APBA1: variants seen among roughly 807,000 people sequenced by gnomAD.
APBA1 encodes amyloid-beta A4 precursor protein-binding family A member 1.
APBA1 carries 55 observed loss-of-function variants against 86.6 expected under a neutral mutation model. The ratio of observed to expected loss-of-function variants is 0.64; its 90% CI spans 0.51 to 0.80. APBA1 has a LOEUF of 0.80. Among genes scored for constraint, APBA1 ranks in the 30% least tolerant of loss-of-function variants. APBA1 has a pLI of 0.00. For synonymous variants in APBA1, 511 were observed against 493.9 expected (o/e 1.03, Z -0.46); for missense variants, 1,090 against 1,183.0 (o/e 0.92, Z 1.15).
chr9:69,616,628 T>C (rs2133986068), intron 1 of APBA1, among the ~76,000 whole-genome samples: 1 of 152,260 alleles, frequency 6.6e-6, no homozygotes, highest in East Asian at 1.9e-4. Context: ...AACAATGAAC[T>C]CCAGGTAGAC....
chr9:69,644,618 C>A (rs1823354398), intron 1 of APBA1, among the ~76,000 whole-genome samples: 1 of 152,188 alleles, frequency 6.6e-6, no homozygotes, highest in Admixed American at 6.5e-5. Context: ...CTCTTTCCAA[C>A]TTGGCCATGT....
intron 1 of APBA1, among the ~76,000 whole-genome samples, chr9:69,584,424 T>C (rs938824091): frequency 2.0e-5 from 3 of 152,200 alleles, no homozygotes; most frequent in Admixed American, 1.3e-4. Context: ...AATGAAGACA[T>C]AAGTGATGTT....
At chr9:69,492,190 C>T (rs1712434012) in intron 2 of APBA1, among the ~76,000 whole-genome samples, 1 of 152,076 alleles carries the variant, frequency 6.6e-6, no homozygotes, top group Non-Finnish European at 1.5e-5. Flanking sequence ...CCACTGATGG[C>T]TCTGAGCCTG....
At chr9:69,451,377 T>C (rs936996925) in intron 9 of APBA1, among the ~76,000 whole-genome samples, 4 of 152,206 alleles carry the variant, frequency 2.6e-5, no homozygotes, top group African/African-American at 9.6e-5. Flanking sequence ...GTGGATCAAA[T>C]GATCACTTTC....
intron 1 of APBA1, among the ~76,000 whole-genome samples, chr9:69,521,989 TC>T (rs1231314225): frequency 6.6e-6 from 1 of 151,760 alleles, no homozygotes; most frequent in Non-Finnish European, 1.5e-5. Flanking sequence ...CAACTAAGCC[TC>T]CCTTTGTGCC....
chr9:69,573,398 G>A (rs1382189285), intron 1 of APBA1, among the ~76,000 whole-genome samples: 1 of 152,092 alleles, frequency 6.6e-6, no homozygotes, highest in Admixed American at 6.6e-5. Flanking sequence ...GGAGTTCAAG[G>A]CTGCAATGAG....
intron 1 of APBA1, among the ~76,000 whole-genome samples, chr9:69,641,981 G>A (rs1002479389): frequency 6.6e-6 from 1 of 152,154 alleles, no homozygotes; most frequent in African/African-American, 2.4e-5. Flanking sequence ...AAGTAGTTGG[G>A]ACTACAGGCA....
intron 1 of APBA1, among the ~76,000 whole-genome samples, chr9:69,658,230 T>TTC (rs1202854863): frequency 6.5e-5 from 1 of 15,428 alleles, no homozygotes; most frequent in Admixed American, 8.9e-4. Flanking sequence ...CTCTCTTTCT[T>TTC]TCTTTCTTTC....
At chr9:69,656,375 ACT>A (rs1197329374) in intron 1 of APBA1, among the ~76,000 whole-genome samples, 2 of 152,208 alleles carry the variant, frequency 1.3e-5, no homozygotes, top group Non-Finnish European at 2.9e-5. Context: ...GAATTGATAA[ACT>A]CAGTATATTC....
intron 2 of APBA1, among the ~76,000 whole-genome samples, chr9:69,493,886 C>G (rs973493187): frequency 1.3e-5 from 2 of 152,076 alleles, no homozygotes; most frequent in African/African-American, 4.8e-5. Flanking sequence ...TTTCTCACAC[C>G]AATGTACATT....
At chr9:69,572,359 C>T (rs549009813) in intron 1 of APBA1, among the ~76,000 whole-genome samples, 23 of 152,228 alleles carry the variant, frequency 1.5e-4, no homozygotes, top group Non-Finnish European at 2.5e-4. Flanking sequence ...TCTGTTCCTG[C>T]GTTAGTTTGC....
At chr9:69,568,899 A>T (rs568795109) in intron 1 of APBA1, among the ~76,000 whole-genome samples, 19 of 152,330 alleles carry the variant, frequency 1.2e-4, no homozygotes, top group African/African-American at 4.6e-4. Context: ...TGGCTCTATT[A>T]CTTCCAGCTA....
intron 12 of APBA1, among the ~76,000 whole-genome samples, chr9:69,432,289 G>A (rs1834615002): frequency 6.6e-6 from 1 of 152,230 alleles, no homozygotes; most frequent in African/African-American, 2.4e-5. Context: ...AAAAAGAGAA[G>A]GTGAGCACAT....
chr9:69,436,352 C>CTATAAATTACCT (rs1369730909), intron 11 of APBA1, among the ~76,000 whole-genome samples: 1,915 of 151,426 alleles, frequency 0.013, 44 homozygotes, highest in African/African-American at 0.044. Context: ...GGCATTGAAT[C>CTATAAATTACCT]TATAAATTAC....
chr9:69,590,957 A>G (rs1299904013), intron 1 of APBA1, among the ~76,000 whole-genome samples: 1 of 152,240 alleles, frequency 6.6e-6, no homozygotes, highest in Non-Finnish European at 1.5e-5. Flanking sequence ...GTTTTCTGCC[A>G]AGTGCAAATC....
chr9:69,588,954 T>A (rs941160760), intron 1 of APBA1, among the ~76,000 whole-genome samples: 2 of 151,934 alleles, frequency 1.3e-5, no homozygotes, highest in African/African-American at 4.9e-5. Flanking sequence ...TATCTTCTCA[T>A]GCTTTTTTGT....
intron 2 of APBA1, among the ~76,000 whole-genome samples, chr9:69,494,756 T>C (rs1252858902): frequency 1.3e-5 from 2 of 152,140 alleles, no homozygotes; most frequent in Non-Finnish European, 2.9e-5. Flanking sequence ...CCACTTTTAA[T>C]TCCTATTAAG....
intron 2 of APBA1, among the ~76,000 whole-genome samples, chr9:69,485,488 G>A (rs1331976): frequency 0.8 from 121,537 of 152,040 alleles, 48,797 homozygotes; most frequent in Admixed American, 0.85. Context: ...GCAATGAAAT[G>A]TGATAGAAAA....
In APBA1 at chr9:69,514,725, G is replaced by A. The variant is rs908829659; in HGVS notation, c.1200+1286C>T. Among the ~76,000 whole-genome samples, 22 of 152,092 alleles carry A rather than the reference G, an allele frequency of 1.4e-4. No homozygotes were observed. In the South Asian group the frequency reaches 2.5e-3, roughly 17 times the overall value. On this transcript the variant is annotated intron_variant, in intron 2 of 12. Transcript: ENST00000265381. ...GCGGTTCGAGACCAGCCTGGCCAAC[G>A]TTATGAAACCCCGTCTCTACTAAAA...
Sources: gnomAD v4.1 joint callset for allele counts (sites outside exome capture counted in the v4.1 genomes callset) on GRCh38, gnomAD v4.1.1 for gene constraint, MANE v1.5 for transcripts, NCBI Gene and HGNC (gene_info 2026-07-23, HGNC 2026-07-21) for gene names.